CYB5RL: variants seen among roughly 807,000 people sequenced by gnomAD.
CYB5RL encodes NADH-cytochrome b5 reductase-like.
In CYB5RL, 38 loss-of-function variants were observed where a neutral mutation model predicts 37.5. That is an observed-to-expected ratio of 1.01 (90% CI 0.78 to 1.33). The LOEUF is 1.33. Ranked by LOEUF, CYB5RL falls within the 40% of genes most tolerant of loss-of-function variation. CYB5RL has a pLI of 0.00. For missense variants in CYB5RL, 388 were observed against 394.4 expected (o/e 0.98, Z 0.14); for synonymous variants, 141 against 151.9 (o/e 0.93, Z 0.53).
At position 54,180,526 on chromosome 1, in the gene CYB5RL, C is replaced by A. The variant is rs547122228; in HGVS notation, c.541-1174G>T. On this transcript the variant is annotated intron_variant, in intron 6 of 7. Coordinates refer to ENST00000534324, the MANE Select transcript of CYB5RL (RefSeq NM_001031672.4). ...GGCTGAGGCAGGAGAATGGCGTGAT[C>A]CTGGGAGGCGGAGCTTGCAGTGAGC... Among the ~76,000 whole-genome samples, 34 of 151,978 alleles carry A rather than the reference C, an allele frequency of 2.2e-4. No individual in the cohort carries two copies. In the South Asian group the frequency reaches 6.0e-3, roughly 27 times the overall value.
At chr1:54,199,824 T>A (rs898997573) in intron 1 of CYB5RL, among the ~76,000 whole-genome samples, 152 bp downstream of exon 1, 1 of 152,196 alleles carries the variant, frequency 6.6e-6, no homozygotes, top group African/African-American at 2.4e-5. Context: ...TGCAACAGCT[T>A]AGGCATTTCT....
At chr1:54,179,497 C>T (rs1035702826) in intron 6 of CYB5RL, 145 bp from the exon 7 acceptor site, 3 of 776,906 alleles carry the variant, frequency 3.9e-6, no homozygotes, top group Non-Finnish European at 2.0e-6. Flanking sequence ...CCCTCTCTAC[C>T]TCCTCCAGAA....
At position 54,170,124 on chromosome 1, in the gene CYB5RL, A is replaced by G. The variant is rs559880880; in HGVS notation, c.*4495T>C. ...CAATAAAAATCTTTTTTTGGGGGGC[A>G]CTGAGTCTCGCTCTGTCACCCAGGC... On this transcript the variant is annotated 3_prime_UTR_variant, in exon 8 of 8. Coordinates refer to ENST00000534324, the MANE Select transcript of CYB5RL (RefSeq NM_001031672.4). 2.0e-5 allele frequency: 3 copies of G among 152,300 alleles called. No homozygotes were observed. The South Asian group carries it at 6.2e-4, about 32-fold the overall frequency. The allele number at this position is 152,300 out of a possible 1,614,324, so 9.4% of individuals were successfully genotyped here.
chr1:54,193,831 G>A (rs1308613869), intron 3 of CYB5RL, among the ~76,000 whole-genome samples: 3 of 151,600 alleles, frequency 2.0e-5, no homozygotes, highest in Admixed American at 6.6e-5. Context: ...TTAGCCGGGC[G>A]TGGTGGTAGG....
At chr1:54,175,067 C>T (rs928079373) in intron 7 of CYB5RL, among the ~76,000 whole-genome samples, 10 of 152,044 alleles carry the variant, frequency 6.6e-5, no homozygotes, top group Admixed American at 1.3e-4. Context: ...CACAATGAGG[C>T]GGGGGCAGCA....
chr1:54,192,373 T>C (rs1288996794), intron 3 of CYB5RL, among the ~76,000 whole-genome samples: 1 of 151,982 alleles, frequency 6.6e-6, no homozygotes, highest in Non-Finnish European at 1.5e-5. Flanking sequence ...TTAGTAGTGA[T>C]GTGGTTTCAC....
intron 3 of CYB5RL, among the ~76,000 whole-genome samples, chr1:54,191,140 G>A (rs939150878): frequency 1.3e-5 from 2 of 152,210 alleles, no homozygotes; most frequent in African/African-American, 2.4e-5. Context: ...GGTAAAATGC[G>A]GGCTCCTTCC....
intron 5 of CYB5RL, among the ~76,000 whole-genome samples, chr1:54,186,855 C>T (rs1390588155): frequency 6.6e-6 from 1 of 151,782 alleles, no homozygotes; most frequent in East Asian, 1.9e-4. Context: ...GCTGTGGGGC[C>T]TTGGGACCTC....
intron 5 of CYB5RL, chr1:54,185,410 T>C (rs1372482542): frequency 6.6e-6 from 1 of 152,182 alleles, no homozygotes; most frequent in East Asian, 1.9e-4. Flanking sequence ...GGGTCATGTT[T>C]TGGGAATAGC....
rs368584366 is a variant in CYB5RL at position 54,195,604 on chromosome 1, T to C, written c.13A>G (p.Arg5Gly). The C allele has an allele frequency of 8.7e-6, 14 of 1,609,068 alleles. No individual in the cohort carries two copies. Among genetic ancestry groups the C allele is most frequent in the African/African-American group, 1.3e-5 (1 of 74,852 alleles). ...TCCTCAGTGTCGTCGTCCTCTTCCC[T>C]CTCAGCCATCATCAGTGGGGCTTGG... MMAE[R>G]EEDDDTEEAW... Residue 5 changes from arginine (R) to glycine (G), a missense_variant, in exon 3 of 8, where the codon AGG (arginine) becomes GGG (glycine). Arg to Gly is a moderately radical substitution (Grantham distance 125, BLOSUM62 -2). Coordinates refer to ENST00000534324, the MANE Select transcript of CYB5RL (RefSeq NM_001031672.4).
At chr1:54,177,476 G>T (rs1271335233) in intron 7 of CYB5RL, among the ~76,000 whole-genome samples, 1 of 152,126 alleles carries the variant, frequency 6.6e-6, no homozygotes, top group Non-Finnish European at 1.5e-5. Context: ...ACCCTGCCTG[G>T]CCTCTACCCA....
chr1:54,195,753 C>T (rs1459134117), intron 2 of CYB5RL, 38 bp from the exon 3 acceptor site: 2 of 949,866 alleles, frequency 2.1e-6, no homozygotes, highest in Admixed American at 2.7e-5. Context: ...TCTCTGGTCT[C>T]CTCTATTCCT....
chr1:54,188,981 G>A (rs536616289), intron 4 of CYB5RL, among the ~76,000 whole-genome samples: 6 of 152,228 alleles, frequency 3.9e-5, no homozygotes, highest in Admixed American at 6.5e-5. Flanking sequence ...TCAAGAGATC[G>A]AGACCATCCT....
chr1:54,194,428 G>A (rs1391827816), intron 3 of CYB5RL, among the ~76,000 whole-genome samples: 1 of 152,098 alleles, frequency 6.6e-6, no homozygotes. Flanking sequence ...TGTTCAGGAT[G>A]TATGATCTAT....
chr1:54,176,645 C>G (rs146516567), intron 7 of CYB5RL, among the ~76,000 whole-genome samples: 2 of 152,238 alleles, frequency 1.3e-5, no homozygotes, highest in African/African-American at 4.8e-5. Flanking sequence ...TCTGACCCAC[C>G]AGATGGGGCC....
rs895221636 is a variant in CYB5RL, at chr1:54,190,831, G to A, written c.264C>T (p.Leu88=). ...ACCGGACACGGTAGGTGTCCTTAGTGAGCCTGTCCATGGCAATGATGCAGA... is the reference window on the plus strand; with the variant it reads ...ACCGGACACGGTAGGTGTCCTTAGTAAGCCTGTCCATGGCAATGATGCAGA... ...VAFCIIAMDR[L]TKDTYRVRFA... The change falls in exon 4 of 8, where the codon CTC becomes CTT. Residue 88 remains leucine (L), a synonymous_variant. Coordinates refer to ENST00000534324, the MANE Select transcript of CYB5RL (RefSeq NM_001031672.4). The A allele has an allele frequency of 8.7e-6, 14 of 1,603,742 alleles. No individual in the cohort carries two copies. The highest frequency in any genetic ancestry group is 2.7e-5 in the African/African-American group (2 of 74,794).
At chr1:54,197,312 C>CTTTTTTTTTTTTTTT (rs199620217) in intron 1 of CYB5RL, among the ~76,000 whole-genome samples, 5 of 130,376 alleles carry the variant, frequency 3.8e-5, no homozygotes, top group Non-Finnish European at 3.2e-5. Flanking sequence ...TTTTTCTTTT[C>CTTTTTTTTTTTTTTT]TTTTCTTTTT....
chr1:54,190,820 G>T lies in CYB5RL; in HGVS notation c.275C>A (p.Thr92Asn), dbSNP rs756413932. The T allele has an allele frequency of 6.3e-7, 1 of 1,596,552 alleles. No homozygotes were observed. Among genetic ancestry groups the T allele is most frequent in the South Asian group, 1.1e-5 (1 of 87,808 alleles). ...IIAMDRLTKD[T>N]YRVRFALPGN... ...GGGTAGAGCAAACCGGACACGGTAG[G>T]TGTCCTTAGTGAGCCTGTCCATGGC... The change falls in exon 4 of 8, where the codon ACC (threonine) becomes AAC (asparagine). Residue 92 changes from threonine to asparagine, a missense_variant. By Grantham distance (65) the Thr-to-Asn change is moderately conservative. Coordinates refer to ENST00000534324, the MANE Select transcript of CYB5RL (RefSeq NM_001031672.4).
At chr1:54,184,959 G>A (rs1031396527) in intron 5 of CYB5RL, 3 of 152,256 alleles carry the variant, frequency 2.0e-5, no homozygotes, top group African/African-American at 7.2e-5. Flanking sequence ...GGAGAAGGGA[G>A]TCTATATTGC....
Sources: gnomAD v4.1 joint callset for allele counts (sites outside exome capture counted in the v4.1 genomes callset) on GRCh38, gnomAD v4.1.1 for gene constraint, MANE v1.5 for transcripts, NCBI Gene and HGNC (gene_info 2026-07-23, HGNC 2026-07-21) for gene names.